Variants in FHIT observed in about 807,000 individuals in gnomAD.
FHIT encodes the protein bis(5'-adenosyl)-triphosphatase.
A neutral mutation model predicts 17.9 loss-of-function variants in FHIT; 19 were observed. That is an observed-to-expected ratio of 1.06 (90% CI 0.74 to 1.56). FHIT has a LOEUF of 1.56. FHIT is among the 40% of genes most tolerant of loss of function. FHIT has a pLI of 0.00. For missense variants in FHIT, 248 were observed against 189.2 expected, an observed-to-expected ratio of 1.31 and a Z score of -1.82; for synonymous variants, 81 against 69.7, an observed-to-expected ratio of 1.16 and a Z score of -0.81.
At chr3:60,516,541 T>C (rs1022503450) in intron 5 of FHIT, among the ~76,000 whole-genome samples, 1 of 152,164 alleles carries the variant, frequency 6.6e-6, no homozygotes, top group Admixed American at 6.5e-5. Context: ...ACCACCTGGA[T>C]TTGAAACCTG....
intron 2 of FHIT, among the ~76,000 whole-genome samples, chr3:61,120,068 T>C (rs1348933465): frequency 6.6e-6 from 1 of 152,206 alleles, no homozygotes; most frequent in Non-Finnish European, 1.5e-5. Context: ...TAATTAAATA[T>C]AGCAGCTGAG....
intron 5 of FHIT, among the ~76,000 whole-genome samples, chr3:60,414,711 G>T (rs2107238192): frequency 6.6e-6 from 1 of 152,280 alleles, no homozygotes; most frequent in African/African-American, 2.4e-5. Flanking sequence ...TCAAAAGGTG[G>T]CATCTGCCTT....
chr3:60,682,324 T>C (rs890572148), intron 4 of FHIT, among the ~76,000 whole-genome samples: 6 of 152,178 alleles, frequency 3.9e-5, no homozygotes, highest in Non-Finnish European at 7.4e-5. Flanking sequence ...GAAGATGCCA[T>C]CTAGGATTTT....
chr3:60,261,019 A>C (rs984111087), intron 5 of FHIT, among the ~76,000 whole-genome samples: 1 of 152,068 alleles, frequency 6.6e-6, no homozygotes, highest in Non-Finnish European at 1.5e-5. Flanking sequence ...CATTCCCGGG[A>C]AAGTCATGAA....
intron 5 of FHIT, among the ~76,000 whole-genome samples, chr3:60,082,552 C>G (rs1015367686): frequency 2.0e-5 from 3 of 152,144 alleles, no homozygotes; most frequent in Non-Finnish European, 4.4e-5. Flanking sequence ...AACCTCCCAA[C>G]TGCTTTCCAC....
At chr3:60,103,291 G>C (rs1011136994) in intron 5 of FHIT, among the ~76,000 whole-genome samples, 1 of 152,108 alleles carries the variant, frequency 6.6e-6, no homozygotes, top group South Asian at 2.1e-4. Context: ...TGGGCTCTTT[G>C]GCCCGATCTA....
chr3:61,017,890 A>G (rs1461232276), intron 3 of FHIT, among the ~76,000 whole-genome samples: 1 of 152,208 alleles, frequency 6.6e-6, no homozygotes, highest in Non-Finnish European at 1.5e-5. Context: ...ACTGGAAAAG[A>G]TGGTAACAAA....
intron 4 of FHIT, among the ~76,000 whole-genome samples, chr3:60,659,495 C>T (rs1174635896): frequency 3.3e-5 from 5 of 151,988 alleles, no homozygotes; most frequent in Non-Finnish European, 7.4e-5. Context: ...CTCATAATTT[C>T]CTTGTCCTAT....
chr3:60,773,763 C>T (rs1429620166), intron 4 of FHIT, among the ~76,000 whole-genome samples: 3 of 152,182 alleles, frequency 2.0e-5, no homozygotes, highest in African/African-American at 7.2e-5. Context: ...TTACAGTTTC[C>T]CAGACTATAT....
chr3:60,978,630 T>C (rs1030511891), intron 3 of FHIT, among the ~76,000 whole-genome samples: 2 of 152,190 alleles, frequency 1.3e-5, no homozygotes, highest in African/African-American at 4.8e-5. Flanking sequence ...TTTGAATCCC[T>C]CTTAAATTCA....
chr3:59,861,118 G>GA (rs1365913371), intron 8 of FHIT, among the ~76,000 whole-genome samples: 1 of 152,080 alleles, frequency 6.6e-6, no homozygotes, highest in African/African-American at 2.4e-5. Context: ...GGCTGAAGGG[G>GA]AAGCAAGCAC....
At chr3:60,490,691 T>C (rs1358655574) in intron 5 of FHIT, among the ~76,000 whole-genome samples, 1 of 148,392 alleles carries the variant, frequency 6.7e-6, no homozygotes, top group East Asian at 2.2e-4. Flanking sequence ...AAAAAAAGAT[T>C]AGATTTCAGT....
chr3:60,035,429 G>C (rs752332878), intron 5 of FHIT, among the ~76,000 whole-genome samples: 3 of 152,186 alleles, frequency 2.0e-5, no homozygotes, highest in Non-Finnish European at 4.4e-5. Context: ...GTAGAGAAGA[G>C]GTTTCACCTT....
In FHIT at chr3:60,882,111, G is replaced by T. The variant is rs1300906974; in HGVS notation, c.-110-60100C>A. Among the ~76,000 whole-genome samples, 3 of 151,990 alleles carry T rather than the reference G, an allele frequency of 2.0e-5. No individual in the cohort carries two copies. In the East Asian group the frequency reaches 5.8e-4, roughly 29 times the overall value. The stretch of plus-strand genomic sequence containing the variant: ...TCATTAGAGACTAGTACAAACAACT[G>T]TACACCCACAAATTGGAAAACCAAA... On this transcript the variant is annotated intron_variant, in intron 3 of 9. Coordinates refer to ENST00000492590, the MANE Select transcript of FHIT (RefSeq NM_002012.4).
chr3:59,753,683 CACATTATTTCTTTGATAT>C (rs1235858809), intron 8 of FHIT, among the ~76,000 whole-genome samples: 39 of 152,158 alleles, frequency 2.6e-4, no homozygotes, highest in Non-Finnish European at 5.3e-4. Context: ...GTGAAAGGCG[CACATTATTTCTTTGATAT>C]ACATTATTTC....
At chr3:60,566,803 T>C (rs988965061) in intron 4 of FHIT, among the ~76,000 whole-genome samples, 1 of 151,048 alleles carries the variant, frequency 6.6e-6, no homozygotes, top group South Asian at 2.1e-4. Flanking sequence ...CAAGCATTCT[T>C]ATACACCAAC....
At chr3:60,441,171 A>G (rs914412070) in intron 5 of FHIT, among the ~76,000 whole-genome samples, 2 of 152,092 alleles carry the variant, frequency 1.3e-5, no homozygotes, top group Non-Finnish European at 2.9e-5. Flanking sequence ...AGGCCATTTT[A>G]CACAGAAGGG....
intron 4 of FHIT, among the ~76,000 whole-genome samples, chr3:60,557,788 T>C (rs1171292332): frequency 6.6e-6 from 1 of 151,996 alleles, no homozygotes; most frequent in Non-Finnish European, 1.5e-5. Context: ...TGCATAGGTA[T>C]TGTTGAAAAA....
intron 2 of FHIT, among the ~76,000 whole-genome samples, chr3:61,123,496 A>G (rs1414045377): frequency 1.4e-5 from 2 of 145,428 alleles, no homozygotes; most frequent in Admixed American, 1.4e-4. Flanking sequence ...AGCTTAAAGT[A>G]TAATAAAAAA....
Sources: gnomAD v4.1 joint callset for allele counts (sites outside exome capture counted in the v4.1 genomes callset) on GRCh38, gnomAD v4.1.1 for gene constraint, MANE v1.5 for transcripts, NCBI Gene and HGNC (gene_info 2026-07-23, HGNC 2026-07-21) for gene names.